Variants in FGF13 observed in about 807,000 individuals in gnomAD.
The protein encoded by FGF13 is fibroblast growth factor homologous factor 2.
FGF13 carries 2 observed loss-of-function variants against 19.5 expected under a neutral mutation model. That is an observed-to-expected ratio of 0.10 (90% CI 0.04 to 0.32). The LOEUF (loss-of-function observed/expected upper bound fraction) is 0.32. Ranked by LOEUF, FGF13 falls within the 10% of genes least tolerant of loss-of-function variation. FGF13 has a pLI of 1.00. For missense variants in FGF13, 113 were observed against 192.7 expected (o/e 0.59, Z 2.45); for synonymous variants, 72 against 76.9 (o/e 0.94, Z 0.33).
intron 1 of FGF13, among the ~76,000 whole-genome samples, chrX:138,998,875 A>T (rs1052825001): frequency 8.9e-6 from 1 of 111,855 alleles, no homozygotes; most frequent in Non-Finnish European, 1.9e-5. Context: ...AAATCAACAG[A>T]ATATACATTC....
intron 1 of FGF13, among the ~76,000 whole-genome samples, chrX:138,875,543 T>C (rs1569415951): frequency 8.9e-6 from 1 of 112,267 alleles, no homozygotes; most frequent in African/African-American, 3.2e-5. Context: ...GACTGGGCCA[T>C]GTGGTGCCCA....
At chrX:138,719,396 A>T (rs950141567) in intron 1 of FGF13, among the ~76,000 whole-genome samples, 8 of 112,195 alleles carry the variant, frequency 7.1e-5, no homozygotes, top group African/African-American at 2.6e-4. Flanking sequence ...AAATTATAGG[A>T]TTATAAAGCA....
At chrX:139,107,160 T>A (rs949342472) in intron 1 of FGF13, among the ~76,000 whole-genome samples, 1 of 111,753 alleles carries the variant, frequency 8.9e-6, no homozygotes, top group Non-Finnish European at 1.9e-5. Context: ...TAACGTGTGA[T>A]GAAGAGTGGC....
At chrX:138,729,076 T>C (rs2090208119) in intron 1 of FGF13, among the ~76,000 whole-genome samples, 1 of 111,751 alleles carries the variant, frequency 8.9e-6, no homozygotes, top group Non-Finnish European at 1.9e-5. Context: ...TACTTCAGTT[T>C]CTGTTCTTTT....
intron 3 of FGF13, among the ~76,000 whole-genome samples, chrX:138,754,070 C>T (rs1487705224): frequency 8.9e-6 from 1 of 112,038 alleles, no homozygotes; most frequent in Non-Finnish European, 1.9e-5. Context: ...TCAACTTTAT[C>T]AGCATTTAAT....
intron 3 of FGF13, among the ~76,000 whole-genome samples, chrX:138,668,279 C>T (rs1171560356): frequency 9.0e-6 from 1 of 111,291 alleles, no homozygotes; most frequent in African/African-American, 3.3e-5. Flanking sequence ...TCCTTTGCCC[C>T]AAATCATAAA....
At chrX:138,957,152 T>C (rs2091845037) in intron 1 of FGF13, among the ~76,000 whole-genome samples, 3 of 111,634 alleles carry the variant, frequency 2.7e-5, no homozygotes, top group Admixed American at 1.9e-4. Context: ...AGAGAAATCA[T>C]CAAAAGCCAC....
intron 3 of FGF13, among the ~76,000 whole-genome samples, chrX:138,798,257 A>C (rs1368680641): frequency 9.0e-6 from 1 of 111,333 alleles, no homozygotes; most frequent in Non-Finnish European, 1.9e-5. Flanking sequence ...GTTTTTTTAG[A>C]GTTTTAGCAT....
intron 1 of FGF13, among the ~76,000 whole-genome samples, chrX:139,035,291 T>A (rs1388394966): frequency 9.0e-6 from 1 of 111,358 alleles, no homozygotes; most frequent in Non-Finnish European, 1.9e-5. Context: ...AGTTTTCCAG[T>A]GACTAAATCA....
intron 1 of FGF13, among the ~76,000 whole-genome samples, chrX:139,031,904 T>C (rs763077616): frequency 8.1e-4 from 89 of 110,501 alleles, no homozygotes; most frequent in Non-Finnish European, 1.4e-3. Flanking sequence ...CTGGTTAGAT[T>C]ATTAAAAAAA....
At chrX:138,921,146 T>G (rs2124242617) in intron 1 of FGF13, among the ~76,000 whole-genome samples, 1 of 111,927 alleles carries the variant, frequency 8.9e-6, no homozygotes, top group South Asian at 3.7e-4. Context: ...ACTCAAAAAT[T>G]AGCTAATATT....
intron 1 of FGF13, among the ~76,000 whole-genome samples, chrX:139,167,774 C>T (rs761853702): frequency 3.6e-5 from 4 of 112,191 alleles, no homozygotes; most frequent in Non-Finnish European, 7.5e-5. Flanking sequence ...ACACATTCCA[C>T]TTAGCAAAAA....
At chrX:138,873,025 C>T (rs1569415504) in intron 1 of FGF13, among the ~76,000 whole-genome samples, 1 of 111,659 alleles carries the variant, frequency 9.0e-6, no homozygotes, top group Non-Finnish European at 1.9e-5. Flanking sequence ...GCAACTTAGA[C>T]AGGGGGAGAA....
At chrX:139,104,623 T>G (rs940634879) in intron 1 of FGF13, among the ~76,000 whole-genome samples, 1 of 111,653 alleles carries the variant, frequency 9.0e-6, no homozygotes. Context: ...ACACCATAAA[T>G]GTATTTCGCA....
intron 1 of FGF13, among the ~76,000 whole-genome samples, chrX:138,986,037 T>A (rs966538249): frequency 8.9e-6 from 1 of 112,050 alleles, no homozygotes; most frequent in Non-Finnish European, 1.9e-5. Context: ...TTACTTCATT[T>A]TATTTTTACA....
chrX:139,198,782 G>A (rs1006897139), intron 1 of FGF13, among the ~76,000 whole-genome samples: 4 of 110,955 alleles, frequency 3.6e-5, no homozygotes, highest in African/African-American at 1.3e-4. Flanking sequence ...GGAAAAAAAT[G>A]GCCATCCAAT....
intron 1 of FGF13, among the ~76,000 whole-genome samples, chrX:139,005,643 G>A (rs1326690733): frequency 9.1e-6 from 1 of 109,584 alleles, no homozygotes; most frequent in Non-Finnish European, 1.9e-5. Flanking sequence ...CTTTCAGAAA[G>A]AGAATTCAAA....
intron 1 of FGF13, among the ~76,000 whole-genome samples, chrX:139,170,246 G>T (rs184770579): frequency 7.2e-5 from 8 of 111,318 alleles, no homozygotes; most frequent in Non-Finnish European, 1.1e-4. Flanking sequence ...TAGTTCCATT[G>T]CCACCCTACC....
intron 1 of FGF13, among the ~76,000 whole-genome samples, chrX:138,920,808 T>C (rs1298399020): frequency 9.0e-6 from 1 of 111,606 alleles, no homozygotes; most frequent in East Asian, 2.8e-4. Context: ...CTTATCTCTG[T>C]AGATAAAGGT....
Sources: allele counts gnomAD v4.1 joint callset (sites outside exome capture counted in the v4.1 genomes callset), GRCh38; gene constraint gnomAD v4.1.1; transcripts MANE v1.5; gene names NCBI Gene and HGNC (gene_info 2026-07-23, HGNC 2026-07-21).